Variants in C8orf34 observed in about 807,000 individuals in gnomAD.
The protein encoded by C8orf34 is chromosome 8 open reading frame 34.
C8orf34 carries 65 observed loss-of-function variants against 68.3 expected under a neutral mutation model. The observed-to-expected ratio is 0.95, with a 90% CI of 0.78 to 1.17. C8orf34 has a LOEUF of 1.17. Among genes scored for constraint, C8orf34 ranks in the 50% most tolerant of loss-of-function variants. The probability of loss-of-function intolerance (pLI) is 0.00; values close to 1 mark genes in which losing one functional copy is unlikely to be tolerated. For synonymous variants in C8orf34, 244 were observed against 241.2 expected, an observed-to-expected ratio of 1.01 and a Z score of -0.11; for missense variants, 664 against 655.4, an observed-to-expected ratio of 1.01 and a Z score of -0.14.
intron 7 of C8orf34, among the ~76,000 whole-genome samples, chr8:68,540,769 G>C (rs1467090738): frequency 6.6e-6 from 1 of 152,086 alleles, no homozygotes; most frequent in African/African-American, 2.4e-5. Flanking sequence ...TTGAACCCAG[G>C]AGGCGGAGGT....
chr8:68,461,996 A>C (rs2129629087), intron 3 of C8orf34, among the ~76,000 whole-genome samples: 1 of 152,326 alleles, frequency 6.6e-6, no homozygotes, highest in African/African-American at 2.4e-5. Flanking sequence ...ACAGACTAGC[A>C]AATTGGATAA....
intron 1 of C8orf34, among the ~76,000 whole-genome samples, chr8:68,337,003 G>A (rs1805879282): frequency 6.6e-6 from 1 of 152,134 alleles, no homozygotes; most frequent in Admixed American, 6.5e-5. Context: ...GGGGAGAAGA[G>A]AAAACTTTAC....
chr8:68,721,211 T>G (rs1298267298), intron 9 of C8orf34, 150 bp from the exon 10 acceptor site: 12 of 541,944 alleles, frequency 2.2e-5, no homozygotes, highest in Non-Finnish European at 3.6e-5. Flanking sequence ...AAGCTAAATA[T>G]TATTTCACGT....
At chr8:68,680,576 C>G (rs1046871186) in intron 8 of C8orf34, among the ~76,000 whole-genome samples, 3 of 151,964 alleles carry the variant, frequency 2.0e-5, no homozygotes, top group African/African-American at 4.8e-5. Flanking sequence ...TCACATGCTT[C>G]AAAAGGCAAA....
intron 1 of C8orf34, among the ~76,000 whole-genome samples, chr8:68,367,926 A>T (rs917946518): frequency 1.9e-4 from 28 of 147,556 alleles, no homozygotes; most frequent in African/African-American, 6.3e-4. Flanking sequence ...AAAAAAAAAA[A>T]AAAAAAAAAA....
chr8:68,665,476 G>A (rs1819809070), intron 8 of C8orf34, among the ~76,000 whole-genome samples: 1 of 152,066 alleles, frequency 6.6e-6, no homozygotes, highest in Non-Finnish European at 1.5e-5. Context: ...TTGCAGCCAA[G>A]ATCCCATCCC....
At chr8:68,512,476 G>C (rs1814317652) in intron 5 of C8orf34, among the ~76,000 whole-genome samples, 3 of 152,058 alleles carry the variant, frequency 2.0e-5, no homozygotes, top group Admixed American at 2.0e-4. Flanking sequence ...ATTTGGGGAA[G>C]GCTGTCAAAT....
intron 1 of C8orf34, among the ~76,000 whole-genome samples, chr8:68,337,265 G>T (rs1051366711): frequency 1.3e-5 from 2 of 152,090 alleles, no homozygotes; most frequent in Non-Finnish European, 2.9e-5. Flanking sequence ...TCAAGTGATG[G>T]GATAAAGCAA....
intron 3 of C8orf34, among the ~76,000 whole-genome samples, chr8:68,466,413 A>G (rs1812136980): frequency 6.6e-6 from 1 of 152,024 alleles, no homozygotes; most frequent in African/African-American, 2.4e-5. Flanking sequence ...TGATATTATT[A>G]TGATTAATTA....
intron 7 of C8orf34, chr8:68,534,863 A>T (rs1001396638): frequency 2.0e-6 from 2 of 985,210 alleles, no homozygotes; most frequent in African/African-American, 1.7e-5. Flanking sequence ...AAGACCGAGG[A>T]TTGAGTCTTG....
chr8:68,624,114 T>G, intron 7 of C8orf34, among the ~76,000 whole-genome samples: 1 of 151,474 alleles, frequency 6.6e-6, no homozygotes, highest in East Asian at 1.9e-4. Context: ...CTACTAAAGA[T>G]GCAAAAAATT....
intron 10 of C8orf34, among the ~76,000 whole-genome samples, chr8:68,772,543 CT>C (rs552827444): frequency 7.2e-5 from 11 of 152,324 alleles, no homozygotes; most frequent in African/African-American, 2.4e-4. Flanking sequence ...CTTTGTGCCC[CT>C]TTCCCTGAGT....
intron 3 of C8orf34, among the ~76,000 whole-genome samples, chr8:68,467,431 T>A (rs1812196318): frequency 6.6e-6 from 1 of 151,326 alleles, no homozygotes; most frequent in Non-Finnish European, 1.5e-5. Context: ...AACTTCTATT[T>A]TATAGTTATC....
chr8:68,723,192 A>T (rs191949448), intron 10 of C8orf34, among the ~76,000 whole-genome samples: 2 of 152,202 alleles, frequency 1.3e-5, no homozygotes, highest in African/African-American at 2.4e-5. Context: ...TCCATTCCTC[A>T]CAAACATTGG....
intron 5 of C8orf34, among the ~76,000 whole-genome samples, chr8:68,503,364 G>A (rs924900367): frequency 8.5e-5 from 13 of 152,150 alleles, no homozygotes; most frequent in African/African-American, 2.9e-4. Context: ...GGGCAAGGAA[G>A]GGGGAATGTA....
chr8:68,593,433 A>T (rs1331725017), intron 7 of C8orf34, among the ~76,000 whole-genome samples: 1 of 152,074 alleles, frequency 6.6e-6, no homozygotes, highest in Non-Finnish European at 1.5e-5. Flanking sequence ...TGTTCCATCA[A>T]AATATGCCGG....
intron 10 of C8orf34, among the ~76,000 whole-genome samples, chr8:68,734,658 C>G (rs563102285): frequency 6.6e-6 from 1 of 152,274 alleles, no homozygotes; most frequent in South Asian, 2.1e-4. Context: ...CACTGTTTCT[C>G]CTAGTTAATA....
intron 5 of C8orf34, among the ~76,000 whole-genome samples, chr8:68,516,834 G>A (rs1020484047): frequency 6.6e-6 from 1 of 151,848 alleles, no homozygotes; most frequent in Non-Finnish European, 1.5e-5. Context: ...TAGAGATGGG[G>A]TTTCACAATG....
chr8:68,543,956 C>T (rs1445432812), intron 7 of C8orf34, among the ~76,000 whole-genome samples: 2 of 152,048 alleles, frequency 1.3e-5, no homozygotes, highest in Admixed American at 1.3e-4. Flanking sequence ...GTGTTTCACC[C>T]CGGCTTTCCT....
Sources: allele counts gnomAD v4.1 joint callset (sites outside exome capture counted in the v4.1 genomes callset), GRCh38; gene constraint gnomAD v4.1.1; transcripts MANE v1.5; gene names NCBI Gene and HGNC (gene_info 2026-07-23, HGNC 2026-07-21).